PC: variants seen among roughly 807,000 people sequenced by gnomAD.
PC encodes pyruvate carboxylase.
A neutral mutation model predicts 107.8 loss-of-function variants in PC; 46 were observed. That is an observed-to-expected ratio of 0.43 (90% CI 0.34 to 0.55). The LOEUF is 0.55. Among genes scored for constraint, PC ranks in the 20% least tolerant of loss-of-function variants. The pLI is 0.04. For synonymous variants in PC, 662 were observed against 684.7 expected, an observed-to-expected ratio of 0.97 and a Z score of 0.52; for missense variants, 1,241 against 1,643.1, an observed-to-expected ratio of 0.76 and a Z score of 4.23.
At chr11:66,869,985 A>G (rs1239444949) in intron 9 of PC, among the ~76,000 whole-genome samples, 1 of 152,204 alleles carries the variant, frequency 6.6e-6, no homozygotes, top group Non-Finnish European at 1.5e-5. Flanking sequence ...TCTCCTGATG[A>G]CAGGGATGAG....
At chr11:66,893,625 C>A (rs1486479796) in intron 3 of PC, among the ~76,000 whole-genome samples, 2 of 152,138 alleles carry the variant, frequency 1.3e-5, no homozygotes, top group Admixed American at 6.5e-5. Flanking sequence ...GAAAATTATT[C>A]TTTTGTCTTC....
chr11:66,859,542 G>A (rs1946109974), intron 12 of PC: 21 of 1,565,634 alleles, frequency 1.3e-5, no homozygotes, highest in Non-Finnish European at 1.8e-5. Context: ...TGGCCCCAGG[G>A]GGAGGGGTGT....
intron 3 of PC, among the ~76,000 whole-genome samples, chr11:66,912,515 G>C (rs1948360527): frequency 6.6e-6 from 1 of 152,206 alleles, no homozygotes; most frequent in Non-Finnish European, 1.5e-5. Context: ...CTGAGTAGGT[G>C]GGATGGCTGA....
intron 3 of PC, among the ~76,000 whole-genome samples, chr11:66,900,705 T>G (rs567426974): frequency 6.6e-6 from 1 of 152,208 alleles, no homozygotes; most frequent in Non-Finnish European, 1.5e-5. Flanking sequence ...GTTTTCAGAG[T>G]ATAAGTCTTG....
rs1257382448 is a variant in PC, at chr11:66,871,636, T to TA, written c.321+50dup. On this transcript the variant is annotated intron_variant, in intron 5 of 22. Transcript: ENST00000393960. The surrounding 1 kb of genome is among the most constrained non-coding windows in gnomAD (Gnocchi z 7.4). Reference sequence around the variant, plus strand: ...AGCCTCAAGAGACCCCCGCGGCAACTAAGACTCCCTGGTCCCTGCTGTCCA... The same window carrying TA: ...AGCCTCAAGAGACCCCCGCGGCAACTAAAGACTCCCTGGTCCCTGCTGTCCA... 6.4e-7 allele frequency: 1 copy of TA among 1,562,826 alleles called. No homozygotes were observed. Among genetic ancestry groups the TA allele is most frequent in the Admixed American group, 1.9e-5 (1 of 52,682 alleles).
chr11:66,890,180 A>C (rs1269583290), intron 3 of PC, among the ~76,000 whole-genome samples: 2 of 152,186 alleles, frequency 1.3e-5, no homozygotes, highest in Admixed American at 1.3e-4. Context: ...GCCTCACAGA[A>C]GAGATCAGAC....
chr11:66,866,388 A>C lies in PC; in HGVS notation c.1023-39T>G. The C allele has an allele frequency of 3.1e-5, 39 of 1,263,324 alleles. No homozygotes were observed. The highest frequency in any genetic ancestry group is 5.6e-5 in the East Asian group (2 of 35,492). The allele number at this position is 1,263,324 out of a possible 1,614,324, so 78.3% of individuals were successfully genotyped here. A position where few individuals can be genotyped will look rare whatever the true frequency, so the allele number is the denominator to read the frequency against. ...GGGGGAGGGGGGAAAGGACGGGAGA[A>C]AGGGGGAAACATGAGGCGGGGGATA... On this transcript the variant is annotated intron_variant, in intron 10 of 22. Transcript: ENST00000393960. The surrounding 1 kb of genome is among the most constrained non-coding windows in gnomAD (Gnocchi z 5.4).
At chr11:66,862,622 C>T (rs182698993) in intron 12 of PC, among the ~76,000 whole-genome samples, 9 of 152,352 alleles carry the variant, frequency 5.9e-5, no homozygotes, top group Non-Finnish European at 1.0e-4. Context: ...CCCTGTCCTC[C>T]GGCTCTTCTT....
chr11:66,944,721 T>C lies in PC; in HGVS notation c.-1+7709A>G, dbSNP rs2136141055. Among the ~76,000 whole-genome samples the C allele has an allele frequency of 1.7e-5, 2 of 118,066 alleles. 1 individual carries two copies. 77.5% of individuals were successfully genotyped at this position (118,066 alleles called of 152,430 possible). On this transcript the variant is annotated intron_variant, in intron 3 of 22. Transcript: ENST00000393960. ...TTTTAAAATGGGGGACGAAAAACTC[T>C]TGCAGCGCAAAAACCTAAGTCAGCC...
intron 3 of PC, among the ~76,000 whole-genome samples, chr11:66,947,303 G>C (rs1327999063): frequency 2.6e-5 from 4 of 151,474 alleles, no homozygotes; most frequent in Non-Finnish European, 4.4e-5. Flanking sequence ...AAAAAAAAAA[G>C]CTGGGTGCGG....
chr11:66,929,818 G>C (rs551012197), intron 3 of PC, among the ~76,000 whole-genome samples: 9 of 152,264 alleles, frequency 5.9e-5, no homozygotes, highest in African/African-American at 1.9e-4. Context: ...CGCCTGGCCA[G>C]ATTAAATTTT....
intron 3 of PC, among the ~76,000 whole-genome samples, chr11:66,895,656 G>C (rs1947732130): frequency 6.6e-6 from 1 of 151,976 alleles, no homozygotes; most frequent in South Asian, 2.1e-4. Flanking sequence ...AAAGATAAAA[G>C]GAAATCTTCT....
At chr11:66,958,083 T>G (rs1412016613) in intron 1 of PC, 1 of 136,452 alleles carries the variant, frequency 7.3e-6, no homozygotes, top group Non-Finnish European at 1.6e-5. Context: ...CGGGGGCGGG[T>G]CCGGGGGCGG....
intron 3 of PC, among the ~76,000 whole-genome samples, chr11:66,886,021 G>A (rs757190636): frequency 3.3e-5 from 5 of 152,194 alleles, no homozygotes; most frequent in Non-Finnish European, 4.4e-5. Flanking sequence ...AGAGCATGTC[G>A]CTATTTGGGA....
At position 66,853,437 on chromosome 11, in the gene PC, G is replaced by T. The variant is rs996418642; in HGVS notation, c.1369-54C>A. ...TCACCATGCAGCACAGACAGGGAAG[G>T]CAGAGGAGAAAAGGCTGAAAGAGAA... On this transcript the variant is annotated intron_variant, in intron 12 of 22. Transcript: ENST00000393960. 6.9e-5 allele frequency: 111 copies of T among 1,605,510 alleles called. 1 individual carries two copies. In the Admixed American group the frequency reaches 1.8e-3, roughly 26 times the overall value.
chr11:66,910,938 T>TA (rs1286607787), intron 3 of PC, among the ~76,000 whole-genome samples: 2 of 152,200 alleles, frequency 1.3e-5, no homozygotes, highest in African/African-American at 2.4e-5. Context: ...CTCCAACACT[T>TA]AAGTCGCTCT....
intron 3 of PC, among the ~76,000 whole-genome samples, chr11:66,886,966 G>A (rs371047715): frequency 2.6e-5 from 4 of 152,190 alleles, no homozygotes; most frequent in East Asian, 1.9e-4. Context: ...GTGCCACAGC[G>A]TCTTTCCCAA....
chr11:66,908,657 C>T (rs1231525420), intron 3 of PC, among the ~76,000 whole-genome samples: 1 of 152,092 alleles, frequency 6.6e-6, no homozygotes, highest in African/African-American at 2.4e-5. Flanking sequence ...CTTGGCCTCC[C>T]GAACCCGAGG....
intron 3 of PC, among the ~76,000 whole-genome samples, chr11:66,894,388 C>T (rs958637092): frequency 6.6e-6 from 1 of 152,218 alleles, no homozygotes; most frequent in African/African-American, 2.4e-5. Context: ...CCAGCTTTTG[C>T]CCATGCAAGT....
Sources: allele counts gnomAD v4.1 joint callset (sites outside exome capture counted in the v4.1 genomes callset), GRCh38; gene constraint gnomAD v4.1.1; non-coding constraint Gnocchi (gnomAD v3.1); transcripts MANE v1.5; gene names NCBI Gene and HGNC (gene_info 2026-07-23, HGNC 2026-07-21).